WWOX: variants seen among roughly 807,000 people sequenced by gnomAD.
WWOX encodes WW domain-containing oxidoreductase.
Under a neutral mutation model 46.2 loss-of-function variants are expected in WWOX, and 69 were observed. The ratio of observed to expected loss-of-function variants is 1.49; its 90% CI spans 1.23 to 1.82. The LOEUF (loss-of-function observed/expected upper bound fraction) is 1.82, where lower values mean the gene tolerates loss of function less well. Ranked by LOEUF, WWOX falls within the 40% of genes most tolerant of loss-of-function variation. The probability of loss-of-function intolerance (pLI) is 0.00; values close to 1 mark genes in which losing one functional copy is unlikely to be tolerated. For missense variants in WWOX, 919 were observed against 542.6 expected (o/e 1.69, Z -6.89); for synonymous variants, 359 against 202.6 (o/e 1.77, Z -6.56).
chr16:78,676,301 G>A (rs1473854644), intron 8 of WWOX, among the ~76,000 whole-genome samples: 6 of 151,920 alleles, frequency 3.9e-5, no homozygotes, highest in African/African-American at 4.8e-5. Flanking sequence ...AAGAAGCGAG[G>A]GTCTCAGACT....
intron 8 of WWOX, among the ~76,000 whole-genome samples, chr16:78,602,878 T>G (rs534816301): frequency 1.3e-5 from 2 of 152,290 alleles, no homozygotes; most frequent in East Asian, 3.9e-4. Flanking sequence ...TTTTTGCCAA[T>G]CCTGAGACTT....
chr16:78,230,176 G>A (rs117508347), intron 5 of WWOX, among the ~76,000 whole-genome samples: 18,543 of 149,770 alleles, frequency 0.12, 1,296 homozygotes, highest in Non-Finnish European at 0.16. Flanking sequence ...TACCGTGCCC[G>A]TGCCCGGCCT....
intron 8 of WWOX, among the ~76,000 whole-genome samples, chr16:78,665,926 C>T (rs1173370560): frequency 2.0e-5 from 3 of 151,958 alleles, no homozygotes; most frequent in Admixed American, 6.5e-5. Context: ...TTCAAGTGAT[C>T]TGCCCACCTT....
intron 8 of WWOX, among the ~76,000 whole-genome samples, chr16:78,615,065 T>A (rs1008246675): frequency 3.3e-5 from 5 of 152,236 alleles, no homozygotes; most frequent in African/African-American, 1.2e-4. Context: ...ATAGGGGGTG[T>A]TCCTGAGTCT....
chr16:78,839,486 T>C (rs941891214), intron 8 of WWOX, among the ~76,000 whole-genome samples: 2 of 152,216 alleles, frequency 1.3e-5, no homozygotes, highest in East Asian at 1.9e-4. Flanking sequence ...TCAGAATGGA[T>C]GCATTTTATG....
intron 8 of WWOX, among the ~76,000 whole-genome samples, chr16:78,710,137 C>G (rs1287048403): frequency 1.3e-5 from 2 of 152,000 alleles, no homozygotes; most frequent in South Asian, 2.1e-4. Context: ...GGATGTCTGC[C>G]TCATGTTGAC....
chr16:79,149,490 G>A (rs181060571), intron 8 of WWOX, among the ~76,000 whole-genome samples: 3 of 152,236 alleles, frequency 2.0e-5, no homozygotes, highest in African/African-American at 4.8e-5. Flanking sequence ...TCAGTTTAGT[G>A]CCCAACAAGG....
chr16:79,153,360 A>C (rs908635175), intron 8 of WWOX, among the ~76,000 whole-genome samples: 2 of 152,130 alleles, frequency 1.3e-5, no homozygotes, highest in Non-Finnish European at 2.9e-5. Context: ...AGTGCGAAGG[A>C]ATCCAAGCAG....
rs928274459 is a variant in WWOX at position 78,270,730 on chromosome 16, A to G, written c.516+106441A>G. The G allele has an allele frequency of 1.2e-4, 18 of 152,282 alleles. 1 individual carries two copies. Among genetic ancestry groups the G allele is most frequent in the African/African-American group, 2.4e-4 (10 of 41,554 alleles). The allele number at this position is 152,282 out of a possible 1,614,324, so 9.4% of individuals were successfully genotyped here. On this transcript the variant is annotated intron_variant, in intron 5 of 8. Transcript: ENST00000566780. ...CACAGTTTGAAAAATCACCTGATCA[A>G]TAACTGAGATTATGAAAAGGTAGGA...
intron 5 of WWOX, among the ~76,000 whole-genome samples, chr16:78,317,656 G>A (rs923152705): frequency 2.0e-5 from 3 of 152,100 alleles, no homozygotes; most frequent in Admixed American, 1.3e-4. Context: ...AGTCTGCCTC[G>A]TTTAGGCTCT....
At chr16:78,993,332 G>A (rs1186442249) in intron 8 of WWOX, among the ~76,000 whole-genome samples, 1 of 152,148 alleles carries the variant, frequency 6.6e-6, no homozygotes, top group Non-Finnish European at 1.5e-5. Flanking sequence ...AATCTCAGAT[G>A]TTTTATATCT....
intron 5 of WWOX, among the ~76,000 whole-genome samples, chr16:78,362,563 G>A (rs545368606): frequency 6.6e-6 from 1 of 151,910 alleles, no homozygotes; most frequent in Non-Finnish European, 1.5e-5. Flanking sequence ...GAGCTGAGAT[G>A]GCACCACTGC....
chr16:78,215,572 A>G (rs1481987220), intron 5 of WWOX, among the ~76,000 whole-genome samples: 1 of 152,204 alleles, frequency 6.6e-6, no homozygotes, highest in African/African-American at 2.4e-5. Flanking sequence ...CTGTGAGTCA[A>G]TAAACCTCTT....
intron 8 of WWOX, among the ~76,000 whole-genome samples, chr16:78,460,329 A>T (rs2738649): frequency 0.28 from 42,627 of 152,016 alleles, 7,268 homozygotes; most frequent in African/African-American, 0.49. Context: ...AGTTTCACCA[A>T]GTTGGCCAGG....
intron 8 of WWOX, among the ~76,000 whole-genome samples, chr16:78,894,813 CG>C (rs1339299441): frequency 6.6e-6 from 1 of 152,074 alleles, no homozygotes; most frequent in Non-Finnish European, 1.5e-5. Flanking sequence ...ACCCCAAGAC[CG>C]GCTTCAGTTT....
In WWOX at chr16:78,259,475, C is replaced by G. The variant is rs890080738; in HGVS notation, c.516+95186C>G. On this transcript the variant is annotated intron_variant, in intron 5 of 8. Transcript: ENST00000566780. Reference sequence around the variant, plus strand: ...CCGACTAGCTGGGACTACAGGCACACGCCACTATGCCCAGCTAATTTTTGT... The same window carrying G: ...CCGACTAGCTGGGACTACAGGCACAGGCCACTATGCCCAGCTAATTTTTGT... 5.3e-5 allele frequency among the ~76,000 whole-genome samples: 8 copies of G among 151,752 alleles called. 1 individual carries two copies. The highest frequency in any genetic ancestry group is 1.2e-4 in the Non-Finnish European group (8 of 67,938).
At chr16:78,794,594 T>G (rs1268228676) in intron 8 of WWOX, among the ~76,000 whole-genome samples, 1 of 152,240 alleles carries the variant, frequency 6.6e-6, no homozygotes, top group African/African-American at 2.4e-5. Flanking sequence ...GCTGTGAGAA[T>G]TAACTAAAGT....
intron 8 of WWOX, among the ~76,000 whole-genome samples, chr16:78,980,015 C>G (rs12919788): frequency 0.33 from 50,042 of 152,010 alleles, 9,601 homozygotes; most frequent in Admixed American, 0.45. Flanking sequence ...GTACTTCCAG[C>G]TGCTTGGGAA....
chr16:78,335,118 C>G (rs375683098), intron 5 of WWOX, among the ~76,000 whole-genome samples: 15 of 152,040 alleles, frequency 9.9e-5, no homozygotes, highest in East Asian at 3.9e-4. Flanking sequence ...GGCCTGCAGT[C>G]TGAGGTTTAT....
Sources: allele counts gnomAD v4.1 joint callset (sites outside exome capture counted in the v4.1 genomes callset), GRCh38; gene constraint gnomAD v4.1.1; transcripts MANE v1.5; gene names NCBI Gene and HGNC (gene_info 2026-07-23, HGNC 2026-07-21).